The following TBC1D30 variants were observed in gnomAD, a reference collection of about 807,000 sequenced individuals.
TBC1D30 encodes the protein TBC1 domain family member 30.
In TBC1D30, 31 loss-of-function variants were observed where a neutral mutation model predicts 63.2. The observed-to-expected ratio is 0.49, with a 90% CI of 0.37 to 0.66. TBC1D30 has a LOEUF of 0.66. TBC1D30 is among the 30% of genes least tolerant of loss of function. TBC1D30 has a pLI of 0.00. For missense variants in TBC1D30, 810 were observed against 953.6 expected (o/e 0.85, Z 1.98); for synonymous variants, 307 against 361.5 (o/e 0.85, Z 1.71).
At chr12:64,806,268 G>T (rs995488922) in intron 2 of TBC1D30, among the ~76,000 whole-genome samples, 1 of 152,228 alleles carries the variant, frequency 6.6e-6, no homozygotes, top group Non-Finnish European at 1.5e-5. Flanking sequence ...CAAAGTGTGT[G>T]TCAGTGCTTT....
intron 1 of TBC1D30, among the ~76,000 whole-genome samples, chr12:64,769,297 C>T (rs1386280163): frequency 6.6e-6 from 1 of 152,034 alleles, no homozygotes; most frequent in East Asian, 1.9e-4. Flanking sequence ...CCTACATCTC[C>T]CAGGTTCAAG....
At chr12:64,864,097 T>A (rs1878008765) in intron 8 of TBC1D30, among the ~76,000 whole-genome samples, 1 of 152,130 alleles carries the variant, frequency 6.6e-6, no homozygotes, top group Non-Finnish European at 1.5e-5. Context: ...ACCCTGTCAC[T>A]TTTTTCTTGT....
rs1043888097 is a variant in TBC1D30, at chr12:64,875,540, C to T, written c.2038C>T (p.Arg680Trp). Reference sequence around the variant, plus strand: ...GCTCAGGGTGCACCCACCCTGCCAGCGGCACTGCCCAGAGCCGCCGAGTGC... The same window carrying T: ...GCTCAGGGTGCACCCACCCTGCCAGTGGCACTGCCCAGAGCCGCCGAGTGC... ...TELRVHPPCQ[R>W]HCPEPPSAPE... The change falls in exon 12 of 12, where the codon CGG (arginine) becomes TGG (tryptophan). Residue 680 changes from arginine to tryptophan, a missense_variant. Transcript: ENST00000539867. The T allele has an allele frequency of 1.3e-5, 20 of 1,535,996 alleles. No homozygotes were observed. The highest frequency in any genetic ancestry group is 5.5e-5 in the African/African-American group (4 of 73,006).
chr12:64,814,845 CA>C (rs1565653692), intron 2 of TBC1D30, among the ~76,000 whole-genome samples: 2 of 152,154 alleles, frequency 1.3e-5, no homozygotes, highest in Middle Eastern at 3.2e-3. Flanking sequence ...CTTTCAAAAA[CA>C]AGACATAAAT....
At chr12:64,869,060 C>T (rs1016301766) in intron 10 of TBC1D30, among the ~76,000 whole-genome samples, 8 of 151,882 alleles carry the variant, frequency 5.3e-5, no homozygotes, top group Admixed American at 2.0e-4. Flanking sequence ...TGGTTCTCTA[C>T]GTCCTTTCTT....
chr12:64,853,636 A>G (rs1214570800), intron 8 of TBC1D30, among the ~76,000 whole-genome samples: 1 of 152,174 alleles, frequency 6.6e-6, no homozygotes, highest in Non-Finnish European at 1.5e-5. Context: ...ACCCGAGGGA[A>G]TCTCCTGGTC....
At chr12:64,841,104 T>G (rs754295265) in intron 7 of TBC1D30, among the ~76,000 whole-genome samples, 6 of 152,198 alleles carry the variant, frequency 3.9e-5, no homozygotes, top group Non-Finnish European at 7.3e-5. Context: ...GACTTCAATA[T>G]GGAACTTTCT....
rs1230074381 is a variant in TBC1D30 at position 64,876,622 on chromosome 12, C to T, written c.*834C>T. On this transcript the variant is annotated 3_prime_UTR_variant, in exon 12 of 12. Transcript: ENST00000539867. ...TCCATGCGGAGCCTGGCCTGCATCC[C>T]CCACCACACAGCTCACTCACCCACC... 1.1e-5 allele frequency: 4 copies of T among 362,530 alleles called. No individual in the cohort carries two copies. Among genetic ancestry groups the T allele is most frequent in the Non-Finnish European group, 2.2e-5 (4 of 182,370 alleles). 22.5% of individuals were successfully genotyped at this position (362,530 alleles called of 1,614,324 possible).
chr12:64,791,085 T>TA (rs1290009723), intron 2 of TBC1D30, among the ~76,000 whole-genome samples: 1 of 152,234 alleles, frequency 6.6e-6, no homozygotes, highest in Non-Finnish European at 1.5e-5. Flanking sequence ...ATTATTCATA[T>TA]AATTGAATAT....
chr12:64,794,726 A>C (rs535283687), intron 2 of TBC1D30, among the ~76,000 whole-genome samples: 28 of 152,322 alleles, frequency 1.8e-4, no homozygotes, highest in South Asian at 1.2e-3. Context: ...GGTGTGAGCC[A>C]CTGCACCTGG....
chr12:64,871,507 C>T (rs1174376679), intron 11 of TBC1D30, among the ~76,000 whole-genome samples: 1 of 151,802 alleles, frequency 6.6e-6, no homozygotes, highest in African/African-American at 2.4e-5. Flanking sequence ...ATAAATTTGA[C>T]ATGTTTTTAA....
At chr12:64,857,166 C>G (rs946537996) in intron 8 of TBC1D30, among the ~76,000 whole-genome samples, 2 of 152,046 alleles carry the variant, frequency 1.3e-5, no homozygotes, top group African/African-American at 4.8e-5. Flanking sequence ...ACAGATGAGT[C>G]TTTCACCATA....
intron 3 of TBC1D30, among the ~76,000 whole-genome samples, 192 bp downstream of exon 3, chr12:64,828,701 A>G (rs191104527): frequency 4.1e-4 from 63 of 152,360 alleles, no homozygotes; most frequent in African/African-American, 1.4e-3. Context: ...TAGCAATGGA[A>G]AAAAACAAAA....
intron 2 of TBC1D30, among the ~76,000 whole-genome samples, chr12:64,788,783 TA>T (rs1158733251): frequency 6.6e-6 from 1 of 152,188 alleles, no homozygotes; most frequent in Non-Finnish European, 1.5e-5. Context: ...TCTTTGCTAA[TA>T]AGACCCTATT....
At chr12:64,766,961 G>T (rs2136272603) in intron 1 of TBC1D30, among the ~76,000 whole-genome samples, 1 of 152,090 alleles carries the variant, frequency 6.6e-6, no homozygotes, top group African/African-American at 2.4e-5. Flanking sequence ...GATTAAAACA[G>T]AAATCAAAAG....
At chr12:64,781,692 T>TA (rs1871301230) in intron 1 of TBC1D30, among the ~76,000 whole-genome samples, 1 of 20,126 alleles carries the variant, frequency 5.0e-5, no homozygotes, top group Non-Finnish European at 8.9e-5. Context: ...TGTTCTTTCC[T>TA]TTTTTTTTTT....
intron 1 of TBC1D30, among the ~76,000 whole-genome samples, chr12:64,769,156 T>TA (rs55868459): frequency 1.3e-5 from 2 of 150,242 alleles, no homozygotes; most frequent in East Asian, 1.9e-4. Flanking sequence ...GGACCCTGTC[T>TA]AAAAAAAAAT....
At position 64,864,841 on chromosome 12, in the gene TBC1D30, T is replaced by C. The variant is rs965182966; in HGVS notation, c.1151+61T>C. On this transcript the variant is annotated intron_variant, in intron 9 of 11. Coordinates refer to ENST00000539867, the MANE Select transcript of TBC1D30 (RefSeq NM_015279.2). Reference sequence around the variant, plus strand: ...GAGGACTTAATATCTTAATTTGTTATTGTAAATTAATATTTATGAAGCCCC... The same window carrying C: ...GAGGACTTAATATCTTAATTTGTTACTGTAAATTAATATTTATGAAGCCCC... 1.6e-5 allele frequency: 19 copies of C among 1,174,204 alleles called. 1 individual carries two copies. In the Admixed American group the frequency reaches 4.1e-4, roughly 26 times the overall value. 72.7% of individuals were successfully genotyped at this position (1,174,204 alleles called of 1,614,324 possible). A position where few individuals can be genotyped will look rare whatever the true frequency, so the allele number is the denominator to read the frequency against.
chr12:64,811,238 T>G (rs1171924749), intron 2 of TBC1D30, among the ~76,000 whole-genome samples: 1 of 152,202 alleles, frequency 6.6e-6, no homozygotes, highest in Non-Finnish European at 1.5e-5. Context: ...TTTAAAAAAG[T>G]CTTTGGACAA....
Sources: allele counts gnomAD v4.1 joint callset (sites outside exome capture counted in the v4.1 genomes callset), GRCh38; gene constraint gnomAD v4.1.1; transcripts MANE v1.5; gene names NCBI Gene and HGNC (gene_info 2026-07-23, HGNC 2026-07-21).